CYC1: variants seen among roughly 807,000 people sequenced by gnomAD.
The protein encoded by CYC1 is cytochrome c1, also known as cytochrome c1, heme protein, mitochondrial.
CYC1 carries 10 observed loss-of-function variants against 33.8 expected under a neutral mutation model. That is an observed-to-expected ratio of 0.30 (90% CI 0.18 to 0.50). The LOEUF is 0.50. Ranked by LOEUF, CYC1 falls within the 20% of genes least tolerant of loss-of-function variation. The pLI is 0.98. For missense variants in CYC1, 459 were observed against 437.6 expected (o/e 1.05, Z -0.44); for synonymous variants, 224 against 181.9 (o/e 1.23, Z -1.86).
Position 144,096,011 on chromosome 8 carries a change from C to T in CYC1, c.308C>T (p.Ser103Phe), listed in dbSNP as rs1371182397. The change falls in exon 2 of 7, where the codon TCT (serine) becomes TTT (phenylalanine). Residue 103 changes from serine (S) to phenylalanine (F), a missense_variant. Ser to Phe is a radical substitution (Grantham distance 155, BLOSUM62 -2). Transcript: ENST00000318911. ...CCGTGGTCTCACCGTGGCCTCCTCT[C>T]TTCCTTGGACCACACCAGGTGTGCA... Reference protein sequence around the residue: ...SYPWSHRGLLSSLDHTSIRRG... With the variant: ...SYPWSHRGLLFSLDHTSIRRG... 1.9e-6 allele frequency: 3 copies of T among 1,604,494 alleles called. No homozygotes were observed. Among genetic ancestry groups the T allele is most frequent in the African/African-American group, 1.3e-5 (1 of 74,806 alleles).
chr8:144,097,043 C>G lies in CYC1; in HGVS notation c.782C>G (p.Ala261Gly). Residue 261 changes from alanine to glycine, a missense_variant, in exon 6 of 7, where the codon GCT becomes GGT. Physicochemically the swap from Ala to Gly is moderately conservative, Grantham distance 60 (BLOSUM62 0). Transcript: ENST00000318911. ...DVLEFDDGTP[A>G]TMSQIAKDVC... Reference sequence around the variant, plus strand: ...GCTTGTCGTTGGCCAGGCACCCCAGCTACCATGTCCCAGATAGCCAAGGAT... The same window carrying G: ...GCTTGTCGTTGGCCAGGCACCCCAGGTACCATGTCCCAGATAGCCAAGGAT... 6.2e-7 allele frequency: 1 copy of G among 1,606,844 alleles called. No individual in the cohort carries two copies. Among genetic ancestry groups the G allele is most frequent in the South Asian group, 1.1e-5 (1 of 89,816 alleles).
At chr8:144,095,441 TTGGCGGGACGGGCTAGCTGCCG>T (rs1433091822) in intron 1 of CYC1, 14 of 421,394 alleles carry the variant, frequency 3.3e-5, no homozygotes, top group Non-Finnish European at 5.2e-5. Flanking sequence ...AGCGTGGGGG[TTGGCGGGACGGGCTAGCTGCCG>T]TGGCGGGGCT....
In CYC1 at chr8:144,096,901, T is replaced by A. The variant is rs1331218556; in HGVS notation, c.773-133T>A. ...AGGAGGCTTTTGGGCTCCTTCAGTT[T>A]TGCGTATGTCCGGTGGAGGGTACTG... On this transcript the variant is annotated intron_variant, in intron 5 of 6. Transcript: ENST00000318911. 3.4e-6 allele frequency: 4 copies of A among 1,170,350 alleles called. No homozygotes were observed. The African/African-American group carries it at 6.1e-5, about 18-fold the overall frequency. The allele number at this position is 1,170,350 out of a possible 1,614,324, so 72.5% of individuals were successfully genotyped here. A position where few individuals can be genotyped will look rare whatever the true frequency, so the allele number is the denominator to read the frequency against.
At position 144,095,233 on chromosome 8, in the gene CYC1, GCGCTGGGCCGGGCC is replaced by G; in HGVS notation, c.129+7_129+20del. 8.3e-7 allele frequency: 1 copy of G among 1,198,570 alleles called. No individual in the cohort carries two copies. The highest frequency in any genetic ancestry group is 1.0e-6 in the Non-Finnish European group (1 of 965,986). The allele number at this position is 1,198,570 out of a possible 1,614,324, so 74.2% of individuals were successfully genotyped here. A position where few individuals can be genotyped will look rare whatever the true frequency, so the allele number is the denominator to read the frequency against. ...CTCCCGCTACGGACACCTCAGGTGA[GCGCTGGGCCGGGCC>G]CCGGCCTCCGCGCGGCCCCGCATCT... On this transcript the variant is annotated splice_donor_region_variant and intron_variant, in intron 1 of 6. Transcript: ENST00000318911.
At position 144,096,110 on chromosome 8, in the gene CYC1, TTCCC is replaced by T; in HGVS notation, c.327-6_327-3del. On this transcript the variant is annotated splice_polypyrimidine_tract_variant and intron_variant, in intron 2 of 6. Transcript: ENST00000318911. ...TGGAATCTTCAGCTTTCCTAACCCT[TTCCC>T]TCCCTCCAGCATCCGGAGGGGTTTC... The T allele has an allele frequency of 6.2e-7, 1 of 1,611,068 alleles. No homozygotes were observed. The highest frequency in any genetic ancestry group is 8.5e-7 in the Non-Finnish European group (1 of 1,179,274).
Position 144,095,167 on chromosome 8 carries a change from C to A in CYC1, c.68C>A (p.Ala23Glu). The change falls in exon 1 of 7, where the codon GCG becomes GAG. Residue 23 changes from alanine to glutamate, a missense_variant. Coordinates refer to ENST00000318911, the MANE Select transcript of CYC1 (RefSeq NM_001916.5). ...LGPRGAGLPG[A>E]RARGLLCSAR... is the part of the protein sequence containing the mutation. ...CCGCGGGGCGCGGGGCTCCCGGGCGCGCGTGCCCGGGGTCTGCTGTGCAGC... is the reference window on the plus strand; with the variant it reads ...CCGCGGGGCGCGGGGCTCCCGGGCGAGCGTGCCCGGGGTCTGCTGTGCAGC... 1 of 1,209,536 alleles carries A rather than the reference C, an allele frequency of 8.3e-7. No homozygotes were observed. The highest frequency in any genetic ancestry group is 1.0e-6 in the Non-Finnish European group (1 of 972,922). The allele number at this position is 1,209,536 out of a possible 1,614,324, so 74.9% of individuals were successfully genotyped here. A position where few individuals can be genotyped will look rare whatever the true frequency, so the allele number is the denominator to read the frequency against.
Position 144,095,192 on chromosome 8 carries a change from C to T in CYC1, c.93C>T (p.Ser31=), listed in dbSNP as rs1276991434. The T allele has an allele frequency of 5.0e-6, 6 of 1,205,228 alleles. No homozygotes were observed. The African/African-American group carries it at 9.5e-5, about 19-fold the overall frequency. 74.7% of individuals were successfully genotyped at this position (1,205,228 alleles called of 1,614,324 possible). Residue 31 remains serine (S), a synonymous_variant, in exon 1 of 7, where the codon AGC becomes AGT. Transcript: ENST00000318911. ...CGCGTGCCCGGGGTCTGCTGTGCAG[C>T]GCGCGTCCCGGGCAGCTCCCGCTAC... ...PGARARGLLC[S]ARPGQLPLRT...
At position 144,096,547 on chromosome 8, in the gene CYC1, T is replaced by C. The variant is rs779143100; in HGVS notation, c.612-37T>C. The C allele has an allele frequency of 6.8e-6, 11 of 1,613,732 alleles. No individual in the cohort carries two copies. In the East Asian group the frequency reaches 2.2e-4, roughly 33 times the overall value. ...TGGAGAGATGGGGGAAGGGCTGACT[T>C]GTGCTTGGAACTAAGGAGCCATGGA... On this transcript the variant is annotated intron_variant, in intron 4 of 6. Coordinates refer to ENST00000318911, the MANE Select transcript of CYC1 (RefSeq NM_001916.5).
Position 144,096,481 on chromosome 8 carries a change from A to C in CYC1, c.598A>C (p.Ile200Leu). The C allele has an allele frequency of 6.2e-7, 1 of 1,613,970 alleles. No individual in the cohort carries two copies. Residue 200 changes from isoleucine (I) to leucine (L), a missense_variant, in exon 4 of 7, where the codon ATC becomes CTC. By Grantham distance (5) the Ile-to-Leu change is conservative (BLOSUM62 2). Coordinates refer to ENST00000318911, the MANE Select transcript of CYC1 (RefSeq NM_001916.5). ...AGCATTGCCCCCTGACCTCAGCTAC[A>C]TCGTGCGAGCTAGGTACACGGGCTG... ...NGALPPDLSY[I>L]VRARHGGEDY...
In CYC1 at chr8:144,096,161, G is replaced by GCCT; in HGVS notation, c.368_370dup (p.Ser123dup). Reference sequence around the variant, plus strand: ...TTTCCAGGTATATAAGCAGGTGTGCGCCTCCTGCCACAGCATGGACTTCGT... The same window carrying GCCT: ...TTTCCAGGTATATAAGCAGGTGTGCGCCTCCTCCTGCCACAGCATGGACTTCGT... On this transcript the variant is annotated inframe_insertion, in exon 3 of 7. Transcript: ENST00000318911. 1 of 1,613,802 alleles carries GCCT rather than the reference G, an allele frequency of 6.2e-7. No homozygotes were observed. The highest frequency in any genetic ancestry group is 8.5e-7 in the Non-Finnish European group (1 of 1,179,916).
chr8:144,096,894 T>G lies in CYC1; in HGVS notation c.773-140T>G. The G allele has an allele frequency of 5.0e-6, 6 of 1,197,980 alleles. 1 individual carries two copies. The South Asian group carries it at 7.9e-5, about 16-fold the overall frequency. 74.2% of individuals were successfully genotyped at this position (1,197,980 alleles called of 1,614,324 possible). ...ATGTCTCAGGAGGCTTTTGGGCTCC[T>G]TCAGTTTTGCGTATGTCCGGTGGAG... On this transcript the variant is annotated intron_variant, in intron 5 of 6. Transcript: ENST00000318911.
At chr8:144,095,624 G>A (rs1337654814) in intron 1 of CYC1, 1 of 598,348 alleles carries the variant, frequency 1.7e-6, no homozygotes, top group Admixed American at 3.4e-5. Context: ...TCTGATCCCC[G>A]GCTCAGGATC....
At position 144,095,135 on chromosome 8, in the gene CYC1, G is replaced by A. The variant is rs1836122712; in HGVS notation, c.36G>A (p.Val12=). Residue 12 remains valine (V), a synonymous_variant, in exon 1 of 7, where the codon GTG becomes GTA. Coordinates refer to ENST00000318911, the MANE Select transcript of CYC1 (RefSeq NM_001916.5). The stretch of plus-strand genomic sequence containing the variant: ...CTGCGGCTTCGCTTCGCGGGGTAGT[G>A]TTGGGCCCGCGGGGCGCGGGGCTCC... ...AAAAASLRGV[V]LGPRGAGLPG... is the part of the protein sequence containing the mutation. The A allele has an allele frequency of 1.7e-6, 2 of 1,211,162 alleles. No homozygotes were observed. The highest frequency in any genetic ancestry group is 2.1e-6 in the Non-Finnish European group (2 of 973,398). 75.0% of individuals were successfully genotyped at this position (1,211,162 alleles called of 1,614,324 possible).
chr8:144,097,112 A>G lies in CYC1; in HGVS notation c.851A>G (p.His284Arg). 5 of 1,612,368 alleles carry G rather than the reference A, an allele frequency of 3.1e-6. No homozygotes were observed. Among genetic ancestry groups the G allele is most frequent in the Middle Eastern group, 1.7e-4 (1 of 6,060 alleles). ...TGGGCATCTGAGCCAGAGCACGACC[A>G]TCGAAAACGCATGGGGCTCAAGGTA... ...LRWASEPEHD[H>R]RKRMGLKMLM... is the part of the protein sequence containing the mutation. The change falls in exon 6 of 7, where the codon CAT becomes CGT. Residue 284 changes from histidine (H) to arginine (R), a missense_variant. By Grantham distance (29) the His-to-Arg change is conservative (BLOSUM62 0). Coordinates refer to ENST00000318911, the MANE Select transcript of CYC1 (RefSeq NM_001916.5).
Position 144,095,083 on chromosome 8 carries a change from G to T in CYC1, c.-17G>T, listed in dbSNP as rs527249796. On this transcript the variant is annotated 5_prime_UTR_variant, in exon 1 of 7. Transcript: ENST00000318911. ...CCAGGGGCCGACGGGAGTGGCGGCC[G>T]CGCGGAGGAGGCCAAGATGGCGGCA... The T allele has an allele frequency of 1.0e-4, 120 of 1,204,046 alleles. No homozygotes were observed. In the South Asian group the frequency reaches 4.4e-3, roughly 44 times the overall value. The allele number at this position is 1,204,046 out of a possible 1,614,324, so 74.6% of individuals were successfully genotyped here.
chr8:144,096,230 G>A lies in CYC1; in HGVS notation c.433G>A (p.Ala145Thr). ...GGGCGTGTGCTACACGGAGGATGAA[G>A]CTAAGGAGCTGGCTGCGGAGGTGTG... Reference protein sequence around the residue: ...LVGVCYTEDEAKELAAEVEVQ... With the variant: ...LVGVCYTEDETKELAAEVEVQ... The change falls in exon 3 of 7, where the codon GCT becomes ACT. Residue 145 changes from alanine to threonine, a missense_variant. Coordinates refer to ENST00000318911, the MANE Select transcript of CYC1 (RefSeq NM_001916.5). 6.2e-7 allele frequency: 1 copy of A among 1,614,102 alleles called. No homozygotes were observed. Among genetic ancestry groups the A allele is most frequent in the South Asian group, 1.1e-5 (1 of 91,072 alleles).
rs7820984 is a variant in CYC1, at chr8:144,095,929, A to G, written c.226A>G (p.Met76Val). ...MLAAGGAGLA[M>V]ALHSAVSASD... is the part of the protein sequence containing the mutation. The stretch of plus-strand genomic sequence containing the variant: ...GGCGGCAGGGGGTGCGGGGCTGGCC[A>G]TGGCTCTGCATTCGGCTGTGAGTGC... The change falls in exon 2 of 7, where the codon ATG becomes GTG. Residue 76 changes from methionine (M) to valine (V), a missense_variant. Transcript: ENST00000318911. The G allele has an allele frequency of 0.99, 1,596,830 of 1,608,544 alleles. 793,294 individuals carry two copies. Among genetic ancestry groups the G allele is most frequent in the East Asian group, 1 (44,851 of 44,852 alleles).
In CYC1 at chr8:144,096,691, A is replaced by G; in HGVS notation, c.719A>G (p.Gln240Arg). 7.5e-6 allele frequency: 12 copies of G among 1,608,514 alleles called. No individual in the cohort carries two copies. Among genetic ancestry groups the G allele is most frequent in the Non-Finnish European group, 9.3e-6 (11 of 1,177,814 alleles). Residue 240 changes from glutamine to arginine, a missense_variant, in exon 5 of 7, where the codon CAG (glutamine) becomes CGG (arginine). Physicochemically the swap from Gln to Arg is conservative, Grantham distance 43. Coordinates refer to ENST00000318911, the MANE Select transcript of CYC1 (RefSeq NM_001916.5). Reference protein sequence around the residue: ...GLYFNPYFPGQAIAMAPPIYT... With the variant: ...GLYFNPYFPGRAIAMAPPIYT... The stretch of plus-strand genomic sequence containing the variant: ...TACTTCAACCCCTACTTTCCTGGCC[A>G]GGCCATTGCCATGGCCCCTCCCATC...
In CYC1 at chr8:144,096,670, T is replaced by TC; in HGVS notation, c.699dup (p.Asn234GlnfsTer23). On this transcript the variant is annotated frameshift_variant, in exon 5 of 7. Coordinates refer to ENST00000318911, the MANE Select transcript of CYC1 (RefSeq NM_001916.5). LOFTEE classifies it high-confidence loss of function. ...GTGTCACTGCGGGAAGGTCTCTACT[T>TC]CAACCCCTACTTTCCTGGCCAGGCC... 6.2e-7 allele frequency: 1 copy of TC among 1,613,780 alleles called. No homozygotes were observed. Among genetic ancestry groups the TC allele is most frequent in the Non-Finnish European group, 8.5e-7 (1 of 1,179,940 alleles).
Sources: gnomAD v4.1 joint callset for allele counts on GRCh38, gnomAD v4.1.1 for gene constraint, MANE v1.5 for transcripts, NCBI Gene and HGNC (gene_info 2026-07-23, HGNC 2026-07-21) for gene names.